The following CFTR variants were observed in gnomAD, a reference collection of about 807,000 sequenced individuals.
CFTR encodes cystic fibrosis transmembrane conductance regulator.
In CFTR, 181 loss-of-function variants were observed where a neutral mutation model predicts 171.6. The ratio of observed to expected loss-of-function variants is 1.05; its 90% CI spans 0.93 to 1.19. The LOEUF is 1.19. Among genes scored for constraint, CFTR ranks in the 50% most tolerant of loss-of-function variants. The pLI, the probability that CFTR is intolerant of heterozygous loss-of-function variation, is 0.00. For missense variants in CFTR, 1,968 were observed against 1,734.7 expected, an observed-to-expected ratio of 1.13 and a Z score of -2.39; for synonymous variants, 583 against 608.0, an observed-to-expected ratio of 0.96 and a Z score of 0.60.
rs199564652 is a variant in CFTR, at chr7:117,603,635, G to A, written c.2761G>A (p.Gly921Arg). 6.2e-7 allele frequency: 1 copy of A among 1,614,070 alleles called. No homozygotes were observed. Among genetic ancestry groups the A allele is most frequent in the African/African-American group, 1.3e-5 (1 of 75,036 alleles). Residue 921 changes from glycine (G) to arginine (R), a missense_variant, in exon 17 of 27, where the codon GGA becomes AGA. Physicochemically the swap from Gly to Arg is moderately radical, Grantham distance 125. Coordinates refer to ENST00000003084, the MANE Select transcript of CFTR (RefSeq NM_000492.4). ...SSYYVFYIYV[G>R]VADTLLAMGF... Reference sequence around the variant, plus strand: ...GTATTATGTGTTTTACATTTACGTGGGAGTAGCCGACACTTTGCTTGCTAT... The same window carrying A: ...GTATTATGTGTTTTACATTTACGTGAGAGTAGCCGACACTTTGCTTGCTAT...
chr7:117,655,504 T>G (rs983895711), intron 24 of CFTR, among the ~76,000 whole-genome samples: 1 of 152,194 alleles, frequency 6.6e-6, no homozygotes, highest in Non-Finnish European at 1.5e-5. Context: ...ACTTAGGTAT[T>G]CGGTAAGAAG....
At position 117,587,737 on chromosome 7, in the gene CFTR, A is replaced by T. The variant is rs397508233; in HGVS notation, c.1585-2A>T. 1 of 1,583,478 alleles carries T rather than the reference A, an allele frequency of 6.3e-7. No individual in the cohort carries two copies. Reference sequence around the variant, plus strand: ...TCTCTAATTTTCTATTTTTGGTAATAGGACATCTCCAAGTTTGCAGAGAAA... The same window carrying T: ...TCTCTAATTTTCTATTTTTGGTAATTGGACATCTCCAAGTTTGCAGAGAAA... On this transcript the variant is annotated splice_acceptor_variant, in intron 11 of 26. Coordinates refer to ENST00000003084, the MANE Select transcript of CFTR (RefSeq NM_000492.4). LOFTEE classifies it high-confidence loss of function.
In CFTR at chr7:117,569,775, A is replaced by G. The variant is rs527263780; in HGVS notation, c.1584+10120A>G. Among the ~76,000 whole-genome samples the G allele has an allele frequency of 3.9e-5, 6 of 152,254 alleles. No homozygotes were observed. In the South Asian group the frequency reaches 1.0e-3, roughly 26 times the overall value. On this transcript the variant is annotated intron_variant, in intron 11 of 26. Coordinates refer to ENST00000003084, the MANE Select transcript of CFTR (RefSeq NM_000492.4). Reference sequence around the variant, plus strand: ...ACAGGTAATGTGTGTGGATGCAAATATGAGGTAGGATGTAATGGGAAGTTG... The same window carrying G: ...ACAGGTAATGTGTGTGGATGCAAATGTGAGGTAGGATGTAATGGGAAGTTG...
intron 3 of CFTR, among the ~76,000 whole-genome samples, chr7:117,515,873 TG>T (rs1798589045): frequency 6.6e-6 from 1 of 152,188 alleles, no homozygotes; most frequent in Non-Finnish European, 1.5e-5. Flanking sequence ...TCACATCCTT[TG>T]TTAGCTGTGT....
intron 21 of CFTR, among the ~76,000 whole-genome samples, chr7:117,621,770 CAT>C (rs1374517453): frequency 6.6e-6 from 1 of 152,168 alleles, no homozygotes; most frequent in Non-Finnish European, 1.5e-5. Flanking sequence ...GTGGAAGCTA[CAT>C]AGATCCAATT....
At chr7:117,501,501 T>A (rs1220050223) in intron 1 of CFTR, among the ~76,000 whole-genome samples, 1 of 151,302 alleles carries the variant, frequency 6.6e-6, no homozygotes, top group Non-Finnish European at 1.5e-5. Context: ...ATCCCAGCAC[T>A]TTGGGAGACC....
chr7:117,656,953 A>T (rs1793193406), intron 24 of CFTR, among the ~76,000 whole-genome samples: 2 of 152,142 alleles, frequency 1.3e-5, no homozygotes, highest in African/African-American at 4.8e-5. Context: ...CCCCTAATAA[A>T]ATGTACTTAG....
At chr7:117,591,552 G>A (rs1198875448) in intron 13 of CFTR, among the ~76,000 whole-genome samples, 1 of 152,018 alleles carries the variant, frequency 6.6e-6, no homozygotes, top group Non-Finnish European at 1.5e-5. Flanking sequence ...ACAAAGCTCT[G>A]ACATTTAAAA....
chr7:117,628,139 T>A (rs939427783), intron 22 of CFTR, among the ~76,000 whole-genome samples: 2 of 152,204 alleles, frequency 1.3e-5, no homozygotes, highest in African/African-American at 4.8e-5. Flanking sequence ...TTAAATTTTA[T>A]CTAAGTTCCA....
At chr7:117,666,682 T>C (rs550710941) in intron 26 of CFTR, among the ~76,000 whole-genome samples, 1 of 152,306 alleles carries the variant, frequency 6.6e-6, no homozygotes, top group East Asian at 1.9e-4. Context: ...CTGAAGAATC[T>C]TCCAGCTGCT....
intron 1 of CFTR, among the ~76,000 whole-genome samples, chr7:117,496,874 G>T (rs1798248953): frequency 6.6e-6 from 1 of 151,520 alleles, no homozygotes; most frequent in Non-Finnish European, 1.5e-5. Flanking sequence ...CATCCTACTG[G>T]GCATGAAGTG....
At chr7:117,622,662 C>T (rs1400051609) in intron 21 of CFTR, among the ~76,000 whole-genome samples, 3 of 152,068 alleles carry the variant, frequency 2.0e-5, no homozygotes, top group African/African-American at 7.2e-5. Context: ...TATGATGGCA[C>T]ATAGTTTGGG....
chr7:117,494,624 G>C (rs888135435), intron 1 of CFTR, among the ~76,000 whole-genome samples: 35 of 152,098 alleles, frequency 2.3e-4, no homozygotes, highest in African/African-American at 7.5e-4. Flanking sequence ...AAACCTAGTA[G>C]AGAGTATTTA....
intron 1 of CFTR, among the ~76,000 whole-genome samples, chr7:117,491,798 C>T (rs1562879298): frequency 6.6e-6 from 1 of 151,982 alleles, no homozygotes; most frequent in African/African-American, 2.4e-5. Context: ...CCTTAGGTAC[C>T]GGGGGTTAGG....
At chr7:117,612,010 T>C (rs962254834) in intron 20 of CFTR, among the ~76,000 whole-genome samples, 36 of 57,392 alleles carry the variant, frequency 6.3e-4, no homozygotes, top group African/African-American at 3.6e-3. Context: ...AAATCGGATA[T>C]ATATATATAT....
intron 24 of CFTR, among the ~76,000 whole-genome samples, chr7:117,653,465 T>A (rs1404760478): frequency 6.6e-6 from 1 of 152,160 alleles, no homozygotes; most frequent in African/African-American, 2.4e-5. Flanking sequence ...TGTCCTCACA[T>A]AATGGAAAGG....
chr7:117,603,638 G>C lies in CFTR; in HGVS notation c.2764G>C (p.Val922Leu). The change falls in exon 17 of 27, where the codon GTA becomes CTA. Residue 922 changes from valine (V) to leucine (L), a missense_variant. By Grantham distance (32) the Val-to-Leu change is conservative. Coordinates refer to ENST00000003084, the MANE Select transcript of CFTR (RefSeq NM_000492.4). ...TTATGTGTTTTACATTTACGTGGGAGTAGCCGACACTTTGCTTGCTATGGG... is the reference window on the plus strand; with the variant it reads ...TTATGTGTTTTACATTTACGTGGGACTAGCCGACACTTTGCTTGCTATGGG... Reference protein sequence around the residue: ...SYYVFYIYVGVADTLLAMGFF... With the variant: ...SYYVFYIYVGLADTLLAMGFF... 1.2e-6 allele frequency: 2 copies of C among 1,614,078 alleles called. No homozygotes were observed. The highest frequency in any genetic ancestry group is 1.7e-6 in the Non-Finnish European group (2 of 1,179,962).
intron 24 of CFTR, among the ~76,000 whole-genome samples, chr7:117,662,386 CA>C (rs1793304996): frequency 6.6e-6 from 1 of 152,176 alleles, no homozygotes; most frequent in African/African-American, 2.4e-5. Flanking sequence ...GGAACTTGCA[CA>C]AATACTACTA....
In CFTR at chr7:117,610,430, A is replaced by G. The variant is rs1792364158; in HGVS notation, c.2989-89A>G. 4 of 1,256,040 alleles carry G rather than the reference A, an allele frequency of 3.2e-6. No individual in the cohort carries two copies. The Admixed American group carries it at 8.0e-5, about 25-fold the overall frequency. 77.8% of individuals were successfully genotyped at this position (1,256,040 alleles called of 1,614,324 possible). A position where few individuals can be genotyped will look rare whatever the true frequency, so the allele number is the denominator to read the frequency against. ...TTTGAGGTGTTTAAAGTATGCAAAAAAAAAAAAAGAAATAAATCACTGACA... is the reference window on the plus strand; with the variant it reads ...TTTGAGGTGTTTAAAGTATGCAAAAGAAAAAAAAGAAATAAATCACTGACA... On this transcript the variant is annotated intron_variant, in intron 18 of 26. Transcript: ENST00000003084.
Sources: gnomAD v4.1 joint callset for allele counts (sites outside exome capture counted in the v4.1 genomes callset) on GRCh38, gnomAD v4.1.1 for gene constraint, MANE v1.5 for transcripts, NCBI Gene and HGNC (gene_info 2026-07-23, HGNC 2026-07-21) for gene names.